Variants in FBXO31 observed in about 807,000 individuals in gnomAD.
FBXO31 encodes the protein F-box protein 31, also known as F-box only protein 31.
A neutral mutation model predicts 54.4 loss-of-function variants in FBXO31; 24 were observed. That is an observed-to-expected ratio of 0.44 (90% CI 0.32 to 0.62). The LOEUF (loss-of-function observed/expected upper bound fraction) is 0.62, where lower values mean the gene tolerates loss of function less well. Among genes scored for constraint, FBXO31 ranks in the 20% least tolerant of loss-of-function variants. FBXO31 has a pLI of 0.05. For synonymous variants in FBXO31, 388 were observed against 335.6 expected (o/e 1.16, Z -1.71); for missense variants, 665 against 787.1 (o/e 0.84, Z 1.86).
At chr16:87,360,255 A>G in intron 2 of FBXO31, 40 bp downstream of exon 2, 1 of 1,575,276 alleles carries the variant, frequency 6.3e-7, no homozygotes, top group African/African-American at 1.3e-5. Context: ...TGCTTCTGGT[A>G]CAAAGTTAAT....
chr16:87,375,967 G>T (rs529594329), intron 1 of FBXO31, among the ~76,000 whole-genome samples: 1 of 152,220 alleles, frequency 6.6e-6, no homozygotes. Flanking sequence ...AGAGGCCACA[G>T]TAGTATAAAA....
rs930716902 is a variant in FBXO31 at position 87,328,946 on chromosome 16, C to G, written c.*2342G>C. The G allele has an allele frequency of 6.6e-6, 1 of 152,352 alleles. No homozygotes were observed. Among genetic ancestry groups the G allele is most frequent in the South Asian group, 2.1e-4 (1 of 4,824 alleles). The allele number at this position is 152,352 out of a possible 1,614,324, so 9.4% of individuals were successfully genotyped here. A position where few individuals can be genotyped will look rare whatever the true frequency, so the allele number is the denominator to read the frequency against. On this transcript the variant is annotated 3_prime_UTR_variant, in exon 9 of 9. Coordinates refer to ENST00000311635, the MANE Select transcript of FBXO31 (RefSeq NM_024735.5). Reference sequence around the variant, plus strand: ...CCTCTGATGACGACATCAGCCCTTCCGAGTTCTCACCTGCAGGAAATGGGC... The same window carrying G: ...CCTCTGATGACGACATCAGCCCTTCGGAGTTCTCACCTGCAGGAAATGGGC...
chr16:87,371,562 G>A (rs559110198), intron 1 of FBXO31, among the ~76,000 whole-genome samples: 5 of 152,350 alleles, frequency 3.3e-5, no homozygotes, highest in East Asian at 1.9e-4. Context: ...CCATCACCCC[G>A]GTGGCCAGGG....
rs1904742727 is a variant in FBXO31 at position 87,328,932 on chromosome 16, G to A, written c.*2356C>T. 1 of 152,220 alleles carries A rather than the reference G, an allele frequency of 6.6e-6. No homozygotes were observed. The highest frequency in any genetic ancestry group is 2.1e-4 in the South Asian group (1 of 4,830). 9.4% of individuals were successfully genotyped at this position (152,220 alleles called of 1,614,324 possible). ...CAGCTGCCCTTAGGCCTCTGATGAC[G>A]ACATCAGCCCTTCCGAGTTCTCACC... On this transcript the variant is annotated 3_prime_UTR_variant, in exon 9 of 9. Transcript: ENST00000311635.
upstream of FBXO31, among the ~76,000 whole-genome samples, chr16:87,384,975 G>C (rs145306038): frequency 0.017 from 2,584 of 151,300 alleles, 76 homozygotes; most frequent in African/African-American, 0.06. Context: ...AGGAGTTTGA[G>C]ACCCGCCTGA....
intron 1 of FBXO31, among the ~76,000 whole-genome samples, chr16:87,378,667 A>G (rs907310693): frequency 2.6e-5 from 4 of 152,190 alleles, no homozygotes; most frequent in Admixed American, 2.0e-4. Flanking sequence ...ATGTTCAAAT[A>G]TATACGCATC....
chr16:87,354,349 C>T (rs142310195), intron 2 of FBXO31, among the ~76,000 whole-genome samples: 1 of 152,172 alleles, frequency 6.6e-6, no homozygotes, highest in East Asian at 1.9e-4. Flanking sequence ...GTGGCACACA[C>T]CTGTAGTCCC....
chr16:87,372,498 C>T (rs1238726776), intron 1 of FBXO31, among the ~76,000 whole-genome samples: 1 of 152,164 alleles, frequency 6.6e-6, no homozygotes, highest in Admixed American at 6.5e-5. Context: ...GCTGCCCACC[C>T]GCCACCCATT....
chr16:87,355,928 C>T (rs989722958), intron 2 of FBXO31, among the ~76,000 whole-genome samples: 2 of 152,178 alleles, frequency 1.3e-5, no homozygotes, highest in African/African-American at 4.8e-5. Context: ...GTGCACATTC[C>T]AGAGAAATAG....
At chr16:87,333,626 A>C (rs1904939245) in intron 8 of FBXO31, among the ~76,000 whole-genome samples, 1 of 152,224 alleles carries the variant, frequency 6.6e-6, no homozygotes, top group African/African-American at 2.4e-5. Context: ...TGGAAGCCTC[A>C]TGCCCCTGCA....
chr16:87,365,010 A>AATATAT (rs55746745), intron 1 of FBXO31, among the ~76,000 whole-genome samples: 4,623 of 47,588 alleles, frequency 0.097, 1,175 homozygotes, highest in South Asian at 0.13. Context: ...CCGTCTCTTA[A>AATATAT]ATATATATAT....
At chr16:87,348,505 C>A (rs1905494087) in intron 2 of FBXO31, among the ~76,000 whole-genome samples, 1 of 152,196 alleles carries the variant, frequency 6.6e-6, no homozygotes, top group Non-Finnish European at 1.5e-5. Context: ...AGGGTAGCAG[C>A]TGATCTGGGG....
rs372099503 is a variant in FBXO31 at position 87,383,445 on chromosome 16, G to T, written c.300C>A (p.Ile100=). ...TCCTCCAGATGGTGTCGGTGTGGAGGATGCGCCGGAACTTCGTGCAGACCT... is the reference window on the plus strand; with the variant it reads ...TCCTCCAGATGGTGTCGGTGTGGAGTATGCGCCGGAACTTCGTGCAGACCT... The part of the protein sequence containing the change: ...LAQVCTKFRR[I]LHTDTIWRRR... The change falls in exon 1 of 9, where the codon ATC becomes ATA. Residue 100 remains isoleucine, a synonymous_variant. Coordinates refer to ENST00000311635, the MANE Select transcript of FBXO31 (RefSeq NM_024735.5). The surrounding 1 kb of genome is among the most constrained non-coding windows in gnomAD (Gnocchi z 4.9). 8.8e-6 allele frequency: 14 copies of T among 1,587,438 alleles called. No homozygotes were observed. The African/African-American group carries it at 1.5e-4, about 17-fold the overall frequency.
intron 3 of FBXO31, among the ~76,000 whole-genome samples, chr16:87,344,731 T>C (rs538785634): frequency 1.1e-4 from 17 of 152,266 alleles, no homozygotes; most frequent in African/African-American, 3.6e-4. Context: ...GCCCACCCTG[T>C]GAGCTGCCGG....
At position 87,345,590 on chromosome 16, in the gene FBXO31, CA is replaced by C. The variant is rs1905350477; in HGVS notation, c.489+1583del. Among the ~76,000 whole-genome samples the C allele has an allele frequency of 6.6e-6, 1 of 152,206 alleles. No homozygotes were observed. The highest frequency in any genetic ancestry group is 2.1e-4 in the South Asian group (1 of 4,828). On this transcript the variant is annotated intron_variant, in intron 3 of 8. Transcript: ENST00000311635. The surrounding 1 kb of genome is among the most constrained non-coding windows in gnomAD (Gnocchi z 4.9). ...AGACATCTGCTCCTGGCCCTGGCCCCAGAGCTCATATCAAACCTGCCCTCCT... is the reference window on the plus strand; with the variant it reads ...AGACATCTGCTCCTGGCCCTGGCCCCGAGCTCATATCAAACCTGCCCTCCT...
Position 87,344,788 on chromosome 16 carries a change from G to T in FBXO31, c.490-1023C>A, listed in dbSNP as rs1007487043. Among the ~76,000 whole-genome samples, 4 of 152,180 alleles carry T rather than the reference G, an allele frequency of 2.6e-5. No individual in the cohort carries two copies. In the East Asian group the frequency reaches 7.7e-4, roughly 29 times the overall value. ...TCCTAAAAGCAAGGCTGGAGCACGC[G>T]ACGCCCAACACAACAAACGCAGAGC... On this transcript the variant is annotated intron_variant, in intron 3 of 8. Coordinates refer to ENST00000311635, the MANE Select transcript of FBXO31 (RefSeq NM_024735.5).
chr16:87,334,193 T>G lies in FBXO31; in HGVS notation c.1090A>C (p.Asn364His). The stretch of plus-strand genomic sequence containing the variant: ...TCCAGGACGATGCGGGAGAGCTCAT[T>G]GAAGTTGCGCTGGTTCTCGAGGTCG... ...LPDLENQRNFNELSRIVLEVR... is the reference protein window; with the variant it reads ...LPDLENQRNFHELSRIVLEVR... Residue 364 changes from asparagine to histidine, a missense_variant, in exon 8 of 9, where the codon AAT becomes CAT. Coordinates refer to ENST00000311635, the MANE Select transcript of FBXO31 (RefSeq NM_024735.5). 1 of 1,612,680 alleles carries G rather than the reference T, an allele frequency of 6.2e-7. No individual in the cohort carries two copies. The highest frequency in any genetic ancestry group is 1.1e-5 in the South Asian group (1 of 91,024).
chr16:87,337,297 G>A (rs1051429853), intron 5 of FBXO31, among the ~76,000 whole-genome samples: 1 of 152,170 alleles, frequency 6.6e-6, no homozygotes, highest in African/African-American at 2.4e-5. Context: ...AAAATGCCTG[G>A]GTACACAGAG....
upstream of FBXO31, among the ~76,000 whole-genome samples, chr16:87,386,716 G>A (rs899249984): frequency 3.9e-5 from 6 of 152,188 alleles, no homozygotes; most frequent in Non-Finnish European, 8.8e-5. Flanking sequence ...TTACAGGCAC[G>A]AGCCACTGCA....
Sources: allele counts gnomAD v4.1 joint callset (sites outside exome capture counted in the v4.1 genomes callset), GRCh38; gene constraint gnomAD v4.1.1; non-coding constraint Gnocchi (gnomAD v3.1); transcripts MANE v1.5; gene names NCBI Gene and HGNC (gene_info 2026-07-23, HGNC 2026-07-21).